Variants in PCLO observed in about 807,000 individuals in gnomAD.
PCLO encodes piccolo presynaptic cytomatrix protein.
Under a neutral mutation model 427.5 loss-of-function variants are expected in PCLO, and 82 were observed. That is an observed-to-expected ratio of 0.19 (90% confidence interval 0.16 to 0.23). PCLO has a LOEUF of 0.23. PCLO is among the 10% of genes least tolerant of loss of function. The pLI is 1.00. For synonymous variants in PCLO, 2,357 were observed against 2,155.4 expected (o/e 1.09, Z -2.59); for missense variants, 6,239 against 6,115.9 (o/e 1.02, Z -0.67).
chr7:82,827,751 A>G, intron 17 of PCLO, 122 bp downstream of exon 17: 1 of 556,180 alleles, frequency 1.8e-6, no homozygotes, highest in South Asian at 2.8e-5. Context: ...TCTTACATGT[A>G]TTTTACTCAA....
chr7:82,884,333 A>G (rs1793580556), intron 9 of PCLO, among the ~76,000 whole-genome samples: 1 of 152,156 alleles, frequency 6.6e-6, no homozygotes, highest in South Asian at 2.1e-4. Flanking sequence ...GTAAAAAAAT[A>G]CACAAAAATG....
intron 3 of PCLO, among the ~76,000 whole-genome samples, chr7:82,969,210 T>C (rs1393970780): frequency 6.6e-6 from 1 of 152,150 alleles, no homozygotes; most frequent in East Asian, 1.9e-4. Context: ...TAATTTGAAA[T>C]TTAGGTATGA....
At chr7:82,814,823 T>C (rs934550421) in intron 20 of PCLO, among the ~76,000 whole-genome samples, 3 of 151,906 alleles carry the variant, frequency 2.0e-5, no homozygotes, top group African/African-American at 7.2e-5. Context: ...TGCAGATCCC[T>C]GAAAGGGTTT....
chr7:82,985,797 C>T (rs1796244008), intron 3 of PCLO, among the ~76,000 whole-genome samples: 1 of 151,858 alleles, frequency 6.6e-6, no homozygotes, highest in South Asian at 2.1e-4. Flanking sequence ...AAATATCTCA[C>T]AGTATGTCCA....
rs756654554 is a variant in PCLO at position 83,135,323 on chromosome 7, C to T, written c.2227G>A (p.Glu743Lys). ...TCAGCAACAGGGGCCTTGTCCTGCT[C>T]AGATGGGACAGAAGGTTCTTTGGGA... The part of the protein sequence containing the change: ...APPKEPSVPS[E>K]QDKAPVADDK... The change falls in exon 3 of 25, where the codon GAG (glutamate) becomes AAG (lysine). Residue 743 changes from glutamate to lysine, a missense_variant. By Grantham distance (56) the Glu-to-Lys change is moderately conservative. This residue lies in a region of PCLO where 4,677 missense variants were observed against 4,468.4 expected (regional missense o/e 1.05). Transcript: ENST00000333891. 7.4e-6 allele frequency: 12 copies of T among 1,613,874 alleles called. No individual in the cohort carries two copies. Among genetic ancestry groups the T allele is most frequent in the Non-Finnish European group, 1.0e-5 (12 of 1,179,880 alleles).
chr7:82,778,139 C>G (rs1267833370), intron 22 of PCLO, among the ~76,000 whole-genome samples: 1 of 152,064 alleles, frequency 6.6e-6, no homozygotes, highest in African/African-American at 2.4e-5. Flanking sequence ...AAAAGACTTT[C>G]ATGCAGCCAA....
In PCLO at chr7:82,949,543, G is replaced by A. The variant is rs1485656760; in HGVS notation, c.11045C>T (p.Pro3682Leu). The stretch of plus-strand genomic sequence containing the variant: ...GTCTGCTGTTGGACTCAGAGGCTTG[G>A]GGTCAGACATAGAACGCTGCATCAT... ...AKMMQRSMSD[P>L]KPLSPTADES... Residue 3682 changes from proline to leucine, a missense_variant, in exon 6 of 25, where the codon CCC becomes CTC. This residue lies in a region of PCLO where 4,677 missense variants were observed against 4,468.4 expected (regional missense o/e 1.05). Coordinates refer to ENST00000333891, the MANE Select transcript of PCLO (RefSeq NM_033026.6). 6.2e-7 allele frequency: 1 copy of A among 1,613,716 alleles called. No individual in the cohort carries two copies. The highest frequency in any genetic ancestry group is 1.7e-5 in the Admixed American group (1 of 59,994).
At chr7:83,134,052 G>C (rs1316658254) in intron 3 of PCLO, among the ~76,000 whole-genome samples, 198 bp downstream of exon 3, 1 of 151,260 alleles carries the variant, frequency 6.6e-6, no homozygotes, top group African/African-American at 2.4e-5. Context: ...CATTAACCCA[G>C]GAAAGTACAA....
At chr7:82,923,427 C>A (rs1349915980) in intron 6 of PCLO, among the ~76,000 whole-genome samples, 4 of 151,932 alleles carry the variant, frequency 2.6e-5, no homozygotes, top group African/African-American at 4.8e-5. Flanking sequence ...ATATTAAAAT[C>A]TTTATTCATT....
chr7:82,773,057 C>A (rs10954689), intron 22 of PCLO, among the ~76,000 whole-genome samples: 1 of 151,854 alleles, frequency 6.6e-6, no homozygotes, highest in South Asian at 2.1e-4. Context: ...TCAAGCTTAA[C>A]GAAACAAGGT....
chr7:82,995,547 C>T (rs535677712), intron 3 of PCLO, among the ~76,000 whole-genome samples: 3 of 151,934 alleles, frequency 2.0e-5, no homozygotes, highest in East Asian at 1.9e-4. Flanking sequence ...AGAAATCTAG[C>T]GTGAAGGGGT....
chr7:82,854,487 A>C (rs1033426318), intron 10 of PCLO, among the ~76,000 whole-genome samples: 2 of 152,156 alleles, frequency 1.3e-5, no homozygotes, highest in African/African-American at 4.8e-5. Flanking sequence ...AAAAATTTTA[A>C]TGCAAATTTT....
chr7:82,821,987 GGTTCTAGAA>G, intron 20 of PCLO: 1 of 986,150 alleles, frequency 1.0e-6, no homozygotes, highest in Non-Finnish European at 1.2e-6. Flanking sequence ...TTTCCTCCAA[GGTTCTAGAA>G]GTTGACTGTT....
At chr7:83,158,512 G>C (rs1792354020) in intron 1 of PCLO, among the ~76,000 whole-genome samples, 1 of 143,028 alleles carries the variant, frequency 7.0e-6, no homozygotes, top group East Asian at 1.9e-4. Context: ...CTAACTTTAA[G>C]CAGAGTACCA....
chr7:83,151,695 AT>A (rs1792133623), intron 2 of PCLO, among the ~76,000 whole-genome samples: 1 of 152,176 alleles, frequency 6.6e-6, no homozygotes, highest in Non-Finnish European at 1.5e-5. Flanking sequence ...TAGCTGTAAT[AT>A]CCCCCACTAA....
chr7:82,766,129 G>A (rs909484620), intron 22 of PCLO, among the ~76,000 whole-genome samples: 1 of 152,058 alleles, frequency 6.6e-6, no homozygotes, highest in African/African-American at 2.4e-5. Context: ...CCCCATCTTA[G>A]GGAAGTAGAT....
At chr7:82,813,585 T>C (rs1791617338) in intron 20 of PCLO, among the ~76,000 whole-genome samples, 1 of 151,702 alleles carries the variant, frequency 6.6e-6, no homozygotes, top group Non-Finnish European at 1.5e-5. Flanking sequence ...TCCAGATACC[T>C]TTAAATTGAT....
intron 3 of PCLO, among the ~76,000 whole-genome samples, chr7:83,130,848 C>T (rs911070252): frequency 6.6e-6 from 1 of 152,164 alleles, no homozygotes; most frequent in African/African-American, 2.4e-5. Context: ...GCAATTCCTA[C>T]ATTATTTAGG....
intron 10 of PCLO, among the ~76,000 whole-genome samples, chr7:82,851,981 GATCT>G (rs1391984334): frequency 1.3e-5 from 2 of 151,594 alleles, no homozygotes; most frequent in Non-Finnish European, 2.9e-5. Flanking sequence ...TTACAATTTT[GATCT>G]ATTTATATAT....
Sources: gnomAD v4.1 joint callset for allele counts (sites outside exome capture counted in the v4.1 genomes callset) on GRCh38, gnomAD v4.1.1 for gene constraint, gnomAD v4.1.1 regional missense constraint, MANE v1.5 for transcripts, NCBI Gene and HGNC (gene_info 2026-07-23, HGNC 2026-07-21) for gene names.